ITGB5: variants seen among roughly 807,000 people sequenced by gnomAD.
The protein encoded by ITGB5 is integrin subunit beta 5.
Under a neutral mutation model 84.8 loss-of-function variants are expected in ITGB5, and 38 were observed. The observed-to-expected ratio is 0.45, with a 90% CI of 0.35 to 0.59. The LOEUF (loss-of-function observed/expected upper bound fraction) is 0.59. Ranked by LOEUF, ITGB5 falls within the 20% of genes least tolerant of loss-of-function variation. The pLI is 0.01. For synonymous variants in ITGB5, 393 were observed against 414.4 expected, an observed-to-expected ratio of 0.95 and a Z score of 0.63; for missense variants, 905 against 1,034.5, an observed-to-expected ratio of 0.87 and a Z score of 1.72.
chr3:124,840,407 T>C (rs1412643159), intron 5 of ITGB5, among the ~76,000 whole-genome samples: 1 of 152,034 alleles, frequency 6.6e-6, no homozygotes, highest in African/African-American at 2.4e-5. Context: ...TTTTAAAGTA[T>C]GTGTTATGAT....
chr3:124,859,154 G>T, intron 3 of ITGB5, 88 bp downstream of exon 3: 1 of 1,276,256 alleles, frequency 7.8e-7, no homozygotes, highest in Non-Finnish European at 1.1e-6. Context: ...AGCCTGGCCT[G>T]ACTCATTGTC....
intron 8 of ITGB5, chr3:124,809,508 T>C (rs373096895): frequency 1.2e-4 from 27 of 226,258 alleles, no homozygotes; most frequent in Non-Finnish European, 2.1e-4. Context: ...ACGCAGTTCC[T>C]CAATCTTGCA....
chr3:124,829,584 C>T (rs1280389901), intron 5 of ITGB5, among the ~76,000 whole-genome samples: 3 of 152,190 alleles, frequency 2.0e-5, no homozygotes, highest in Non-Finnish European at 4.4e-5. Flanking sequence ...AGTTCTGGTC[C>T]TAGGCCCTAG....
intron 2 of ITGB5, 49 bp downstream of exon 2, chr3:124,873,397 A>G: frequency 7.8e-7 from 1 of 1,287,694 alleles, no homozygotes; most frequent in Non-Finnish European, 1.1e-6. Context: ...TCTCACCCTC[A>G]CCCTCGCAGC....
chr3:124,765,725 G>A (rs2063756811), intron 13 of ITGB5, among the ~76,000 whole-genome samples: 1 of 152,142 alleles, frequency 6.6e-6, no homozygotes, highest in Admixed American at 6.5e-5. Context: ...CTAAACTCTA[G>A]GAGTGGAGCA....
chr3:124,866,291 A>AT (rs2065388902), intron 2 of ITGB5, among the ~76,000 whole-genome samples: 1 of 151,996 alleles, frequency 6.6e-6, no homozygotes, highest in South Asian at 2.1e-4. Context: ...CTCCCTACAT[A>AT]TTTTTTGCTA....
intron 5 of ITGB5, among the ~76,000 whole-genome samples, chr3:124,832,370 G>T (rs2064872296): frequency 6.6e-6 from 1 of 152,180 alleles, no homozygotes; most frequent in East Asian, 1.9e-4. Context: ...AAACTTTGGG[G>T]AAGTTACTTC....
At chr3:124,859,469 A>C (rs1355583571) in intron 2 of ITGB5, 23 bp from the exon 3 acceptor site, 30 of 1,606,190 alleles carry the variant, frequency 1.9e-5, no homozygotes, top group Non-Finnish European at 2.6e-5. Context: ...AAAGAGGAAG[A>C]GAGCAGGAGG....
chr3:124,771,181 C>G (rs1439049795), intron 11 of ITGB5, among the ~76,000 whole-genome samples: 1 of 152,098 alleles, frequency 6.6e-6, no homozygotes, highest in African/African-American at 2.4e-5. Context: ...TCTTGAGAGC[C>G]TGTTAACTGA....
chr3:124,875,257 C>CA (rs1934252692), intron 1 of ITGB5, among the ~76,000 whole-genome samples: 1 of 152,114 alleles, frequency 6.6e-6, no homozygotes, highest in African/African-American at 2.4e-5. Flanking sequence ...GTGGGTGGAT[C>CA]ACCTAAGATC....
intron 12 of ITGB5, 50 bp from the exon 13 acceptor site, chr3:124,766,395 A>G: frequency 6.2e-7 from 1 of 1,601,712 alleles, no homozygotes; most frequent in Non-Finnish European, 8.5e-7. Flanking sequence ...AGCAGCCCAC[A>G]GCCACTGATG....
At chr3:124,774,751 C>T (rs559175777) in intron 10 of ITGB5, among the ~76,000 whole-genome samples, 9 of 151,722 alleles carry the variant, frequency 5.9e-5, no homozygotes, top group Non-Finnish European at 1.3e-4. Flanking sequence ...GACCCGAAAC[C>T]CAGAAATGGA....
intron 8 of ITGB5, chr3:124,809,464 G>T: frequency 3.8e-6 from 1 of 266,160 alleles, no homozygotes; most frequent in South Asian, 6.6e-5. Flanking sequence ...TGCTTCTCCA[G>T]AGCCACCTCT....
At chr3:124,788,587 A>C (rs2064115096) in intron 10 of ITGB5, among the ~76,000 whole-genome samples, 2 of 152,178 alleles carry the variant, frequency 1.3e-5, no homozygotes, top group Admixed American at 6.5e-5. Context: ...ACCTGTTCCA[A>C]AATGGAACCG....
intron 1 of ITGB5, among the ~76,000 whole-genome samples, chr3:124,880,338 G>A (rs533256267): frequency 3.9e-4 from 59 of 152,304 alleles, no homozygotes; most frequent in African/African-American, 1.4e-3. Context: ...TATAATAAAG[G>A]TACCATACTA....
intron 5 of ITGB5, among the ~76,000 whole-genome samples, chr3:124,828,519 G>A (rs1323989333): frequency 1.3e-5 from 2 of 152,216 alleles, no homozygotes; most frequent in Non-Finnish European, 2.9e-5. Context: ...AGGCAGGAGG[G>A]AGAAGAGGAA....
Position 124,763,352 on chromosome 3 carries a change from G to T in ITGB5, c.*271C>A. The T allele has an allele frequency of 3.3e-6, 1 of 305,068 alleles. No individual in the cohort carries two copies. The highest frequency in any genetic ancestry group is 6.2e-6 in the Non-Finnish European group (1 of 162,182). The allele number at this position is 305,068 out of a possible 1,614,324, so 18.9% of individuals were successfully genotyped here. On this transcript the variant is annotated 3_prime_UTR_variant, in exon 15 of 15. Transcript: ENST00000296181. ...AGTATTTCATTGGGACAACAAGCTG[G>T]ATGTGGCAGGGAAAGCTGAGAGCGC...
intron 1 of ITGB5, among the ~76,000 whole-genome samples, chr3:124,879,862 C>G (rs1485314240): frequency 2.0e-5 from 3 of 152,168 alleles, no homozygotes; most frequent in East Asian, 1.9e-4. Flanking sequence ...ATAATAGGAA[C>G]TATATAGGCA....
Position 124,800,401 on chromosome 3 carries a change from G to A in ITGB5, c.1264-3584C>T, listed in dbSNP as rs3755708. ...GTTAAGTCTCCAGAATCTTGCTGATGTGTCTGGGAGAAAGTGGGAGGTTAG... is the reference window on the plus strand; with the variant it reads ...GTTAAGTCTCCAGAATCTTGCTGATATGTCTGGGAGAAAGTGGGAGGTTAG... On this transcript the variant is annotated intron_variant, in intron 9 of 14. Transcript: ENST00000296181. Among the ~76,000 whole-genome samples, 192 of 152,338 alleles carry A rather than the reference G, an allele frequency of 1.3e-3. 5 individuals carry two copies. In the East Asian group the frequency reaches 0.031, roughly 25 times the overall value.
Sources: allele counts gnomAD v4.1 joint callset (sites outside exome capture counted in the v4.1 genomes callset), GRCh38; gene constraint gnomAD v4.1.1; transcripts MANE v1.5; gene names NCBI Gene and HGNC (gene_info 2026-07-23, HGNC 2026-07-21).